Variants in RREB1 observed in about 807,000 individuals in gnomAD.
The protein encoded by RREB1 is ras-responsive element-binding protein 1.
A neutral mutation model predicts 117.8 loss-of-function variants in RREB1; 27 were observed. That is an observed-to-expected ratio of 0.23 (90% CI 0.17 to 0.32). The LOEUF (loss-of-function observed/expected upper bound fraction) is 0.32. Among genes scored for constraint, RREB1 ranks in the 10% least tolerant of loss-of-function variants. The pLI is 1.00. For missense variants in RREB1, 2,577 were observed against 2,378.2 expected, an observed-to-expected ratio of 1.08 and a Z score of -1.74; for synonymous variants, 1,298 against 1,026.7, an observed-to-expected ratio of 1.26 and a Z score of -5.05.
chr6:7,231,473 A>G lies in RREB1; in HGVS notation c.3374A>G (p.Glu1125Gly). Residue 1125 changes from glutamate (E) to glycine (G), a missense_variant, in exon 10 of 13, where the codon GAG (glutamate) becomes GGG (glycine). Transcript: ENST00000379938. ...CCCGCTGCCACCACCAGCCCAAAAG[A>G]GTCTAGTGAGCCTCCCGCTCCAGCC... Reference protein sequence around the residue: ...ATPAATTSPKESSEPPAPASS... With the variant: ...ATPAATTSPKGSSEPPAPASS... 1 of 1,612,472 alleles carries G rather than the reference A, an allele frequency of 6.2e-7. No homozygotes were observed. The highest frequency in any genetic ancestry group is 8.5e-7 in the Non-Finnish European group (1 of 1,179,478).
intron 3 of RREB1, 61 bp from the exon 4 acceptor site, chr6:7,181,809 C>T (rs2113530440): frequency 8.3e-7 from 1 of 1,211,258 alleles, no homozygotes; most frequent in East Asian, 2.3e-5. Flanking sequence ...GGCCAGCGCC[C>T]CCTGGCAATG....
chr6:7,181,005 A>C (rs1581500399), intron 2 of RREB1, 119 bp from the exon 3 acceptor site: 1 of 393,464 alleles, frequency 2.5e-6, no homozygotes, highest in African/African-American at 2.1e-5. Flanking sequence ...ATTGCCTCTC[A>C]TTTGTGCTCC....
chr6:7,211,805 A>G, intron 8 of RREB1, 96 bp downstream of exon 8: 13 of 1,329,084 alleles, frequency 9.8e-6, no homozygotes, highest in Non-Finnish European at 1.4e-5. Flanking sequence ...GGCTCCAGTG[A>G]TTGAACTTGG....
rs149501678 is a variant in RREB1, at chr6:7,188,226, CGTGTGT to C, written c.261+725_261+730del. Reference sequence around the variant, plus strand: ...TAAAATAGAATCGCTCCCCCCCACACGTGTGTGTGTGTGTGTGTGTGTGTGTGCGCG... The same window carrying C: ...TAAAATAGAATCGCTCCCCCCCACACGTGTGTGTGTGTGTGTGTGTGCGCG... On this transcript the variant is annotated intron_variant, in intron 5 of 12. Coordinates refer to ENST00000379938, the MANE Select transcript of RREB1 (RefSeq NM_001003699.4). Among the ~76,000 whole-genome samples the C allele has an allele frequency of 6.2e-3, 923 of 149,410 alleles. 7 individuals carry two copies. Among genetic ancestry groups the C allele is most frequent in the African/African-American group, 0.018 (723 of 40,554 alleles).
At chr6:7,153,792 G>A (rs779058099) in intron 1 of RREB1, among the ~76,000 whole-genome samples, 24 of 152,228 alleles carry the variant, frequency 1.6e-4, no homozygotes, top group African/African-American at 4.8e-4. Context: ...AACCCATAAA[G>A]TGCCGTTGCT....
At chr6:7,114,300 T>C (rs1761281276) in intron 1 of RREB1, among the ~76,000 whole-genome samples, 2 of 152,166 alleles carry the variant, frequency 1.3e-5, no homozygotes, top group African/African-American at 4.8e-5. Flanking sequence ...TTTTGTATTT[T>C]TAGTAGTAAC....
Position 7,229,438 on chromosome 6 carries a change from A to G in RREB1, c.1339A>G (p.Ile447Val). 6.2e-7 allele frequency: 1 copy of G among 1,614,210 alleles called. No homozygotes were observed. The highest frequency in any genetic ancestry group is 8.5e-7 in the Non-Finnish European group (1 of 1,180,042). Residue 447 changes from isoleucine (I) to valine (V), a missense_variant, in exon 10 of 13, where the codon ATC becomes GTC. Physicochemically the swap from Ile to Val is conservative, Grantham distance 29 (BLOSUM62 3). Coordinates refer to ENST00000379938, the MANE Select transcript of RREB1 (RefSeq NM_001003699.4). The surrounding 1 kb of genome is among the most constrained non-coding windows in gnomAD (Gnocchi z 4.5). ...CCTGCAGCCCTTCCAGAAGGGCTTC[A>G]TCATCCAGCCTGACAGCAGCATTGT... The part of the protein sequence containing the change: ...LSLQPFQKGF[I>V]IQPDSSIVVK...
intron 10 of RREB1, among the ~76,000 whole-genome samples, chr6:7,233,666 T>C (rs1283454556): frequency 1.3e-5 from 2 of 152,162 alleles, no homozygotes; most frequent in Non-Finnish European, 2.9e-5. Context: ...GCGCTAAATA[T>C]GGTAACCCAA....
intron 11 of RREB1, among the ~76,000 whole-genome samples, chr6:7,244,754 T>C (rs1039298032): frequency 3.3e-5 from 5 of 152,226 alleles, no homozygotes; most frequent in Non-Finnish European, 7.3e-5. Context: ...AGCCGCGTTA[T>C]GCAGATGGCT....
intron 11 of RREB1, among the ~76,000 whole-genome samples, chr6:7,243,605 A>C (rs1768837837): frequency 1.3e-5 from 2 of 152,122 alleles, no homozygotes; most frequent in African/African-American, 4.8e-5. Context: ...TCACTAATGA[A>C]AATCAGTTGT....
At chr6:7,166,053 G>A (rs1763912792) in intron 1 of RREB1, among the ~76,000 whole-genome samples, 1 of 152,178 alleles carries the variant, frequency 6.6e-6, no homozygotes, top group African/African-American at 2.4e-5. Flanking sequence ...GAGGGGCGGT[G>A]GCCCTTTGTG....
chr6:7,150,538 G>A (rs1011112622), intron 1 of RREB1, among the ~76,000 whole-genome samples: 2 of 150,996 alleles, frequency 1.3e-5, no homozygotes, highest in African/African-American at 4.9e-5. Context: ...AAGGTAGAAA[G>A]TATTCTCTTG....
chr6:7,176,037 C>A (rs1049592391), intron 1 of RREB1, among the ~76,000 whole-genome samples: 1 of 152,202 alleles, frequency 6.6e-6, no homozygotes, highest in African/African-American at 2.4e-5. Flanking sequence ...CCCACCTCAG[C>A]TCCAGAGTAG....
chr6:7,243,415 G>A (rs1219930334), intron 11 of RREB1, among the ~76,000 whole-genome samples: 5 of 152,164 alleles, frequency 3.3e-5, no homozygotes, highest in African/African-American at 1.2e-4. Flanking sequence ...CAAACCGAGG[G>A]ACTGATGGGG....
intron 8 of RREB1, chr6:7,214,123 C>T (rs559232318): frequency 6.6e-6 from 1 of 152,420 alleles, no homozygotes; most frequent in African/African-American, 2.4e-5. Context: ...GCACTGGACG[C>T]TCGTCATTTT....
intron 11 of RREB1, among the ~76,000 whole-genome samples, chr6:7,244,430 G>A (rs183984501): frequency 1.3e-5 from 2 of 152,204 alleles, no homozygotes; most frequent in Admixed American, 1.3e-4. Context: ...TACCCACAAA[G>A]CCAGCAAACA....
chr6:7,183,563 A>C (rs1764917448), intron 4 of RREB1: 1 of 152,204 alleles, frequency 6.6e-6, no homozygotes, highest in African/African-American at 2.4e-5. Context: ...TCCAGATCAG[A>C]GACCGTGGTT....
Position 7,247,228 on chromosome 6 carries a change from A to G in RREB1, c.4771+7A>G. On this transcript the variant is annotated splice_region_variant and intron_variant, in intron 12 of 12. Transcript: ENST00000379938. ...CACATGCGCTCCCACACAGGTAACCAGGGCAGGCCAGGTCCCCGGCCCAAC... is the reference window on the plus strand; with the variant it reads ...CACATGCGCTCCCACACAGGTAACCGGGGCAGGCCAGGTCCCCGGCCCAAC... 6.2e-7 allele frequency: 1 copy of G among 1,607,176 alleles called. No individual in the cohort carries two copies. Among genetic ancestry groups the G allele is most frequent in the Admixed American group, 1.7e-5 (1 of 59,434 alleles).
intron 1 of RREB1, among the ~76,000 whole-genome samples, chr6:7,152,260 A>T (rs1763158694): frequency 6.6e-6 from 1 of 152,194 alleles, no homozygotes; most frequent in South Asian, 2.1e-4. Flanking sequence ...TACAGAAATA[A>T]TCCTGTTTTA....
Sources: gnomAD v4.1 joint callset for allele counts (sites outside exome capture counted in the v4.1 genomes callset) on GRCh38, gnomAD v4.1.1 for gene constraint, Gnocchi (gnomAD v3.1) non-coding constraint, MANE v1.5 for transcripts, NCBI Gene and HGNC (gene_info 2026-07-23, HGNC 2026-07-21) for gene names.